FBXL7: variants seen among roughly 807,000 people sequenced by gnomAD.
FBXL7 encodes F-box/LRR-repeat protein 7.
A neutral mutation model predicts 38.3 loss-of-function variants in FBXL7; 12 were observed. The ratio of observed to expected loss-of-function variants is 0.31; its 90% CI spans 0.20 to 0.51. FBXL7 has a LOEUF of 0.51. FBXL7 is among the 20% of genes least tolerant of loss of function. The pLI, the probability that FBXL7 is intolerant of heterozygous loss-of-function variation, is 0.98. For missense variants in FBXL7, 567 were observed against 676.4 expected (o/e 0.84, Z 1.79); for synonymous variants, 297 against 300.9 (o/e 0.99, Z 0.13).
At chr5:15,828,047 C>CTT (rs1435261661) in intron 2 of FBXL7, among the ~76,000 whole-genome samples, 1 of 152,200 alleles carries the variant, frequency 6.6e-6, no homozygotes, top group East Asian at 1.9e-4. Context: ...ACCATCCAGG[C>CTT]TTTAGGCATT....
intron 2 of FBXL7, among the ~76,000 whole-genome samples, chr5:15,792,455 G>C (rs1182705698): frequency 1.3e-5 from 2 of 152,110 alleles, no homozygotes; most frequent in Non-Finnish European, 2.9e-5. Flanking sequence ...ACGTTTGAAA[G>C]CTCAATGTCT....
chr5:15,906,653 C>T (rs1463168307), intron 2 of FBXL7, among the ~76,000 whole-genome samples: 1 of 113,700 alleles, frequency 8.8e-6, no homozygotes, highest in Non-Finnish European at 1.8e-5. Context: ...TCTCCCAATG[C>T]TATCCCTCCC....
At chr5:15,806,705 G>A (rs1427606087) in intron 2 of FBXL7, among the ~76,000 whole-genome samples, 1 of 152,160 alleles carries the variant, frequency 6.6e-6, no homozygotes, top group Non-Finnish European at 1.5e-5. Flanking sequence ...AGGGCAGTGG[G>A]ATAGACTGGC....
intron 2 of FBXL7, among the ~76,000 whole-genome samples, chr5:15,884,828 C>T (rs1022460081): frequency 2.6e-5 from 4 of 152,162 alleles, no homozygotes; most frequent in African/African-American, 4.8e-5. Flanking sequence ...AGAAGTAAAA[C>T]ATTTCCCCTC....
chr5:15,721,767 T>C (rs1744200659), intron 2 of FBXL7, among the ~76,000 whole-genome samples: 1 of 152,138 alleles, frequency 6.6e-6, no homozygotes, highest in African/African-American at 2.4e-5. Flanking sequence ...GTTTTTTAGT[T>C]GTTAGTCTTG....
chr5:15,804,245 T>A (rs57804870), intron 2 of FBXL7, among the ~76,000 whole-genome samples: 6,250 of 151,972 alleles, frequency 0.041, 430 homozygotes, highest in African/African-American at 0.14. Context: ...AAGAGGGAGG[T>A]TCTCTTGAGG....
chr5:15,853,504 T>A (rs1423252239), intron 2 of FBXL7, among the ~76,000 whole-genome samples: 1 of 151,964 alleles, frequency 6.6e-6, no homozygotes, highest in Non-Finnish European at 1.5e-5. Flanking sequence ...GCGGGGAACA[T>A]CTATTCCTGG....
At chr5:15,665,531 C>T (rs1330472886) in intron 2 of FBXL7, among the ~76,000 whole-genome samples, 1 of 152,136 alleles carries the variant, frequency 6.6e-6, no homozygotes, top group East Asian at 1.9e-4. Context: ...CTCTCATCAC[C>T]AAAGTGGGAA....
At chr5:15,879,226 A>G (rs1740340865) in intron 2 of FBXL7, among the ~76,000 whole-genome samples, 1 of 152,216 alleles carries the variant, frequency 6.6e-6, no homozygotes, top group Non-Finnish European at 1.5e-5. Context: ...AGCATTTATA[A>G]CGGCCAGAAG....
chr5:15,692,522 G>A (rs1305515696), intron 2 of FBXL7, among the ~76,000 whole-genome samples: 2 of 152,100 alleles, frequency 1.3e-5, no homozygotes, highest in African/African-American at 4.8e-5. Context: ...TCATGGCACT[G>A]TTAAGCCTGT....
intron 2 of FBXL7, among the ~76,000 whole-genome samples, chr5:15,705,675 T>C (rs1168026739): frequency 4.6e-5 from 7 of 152,178 alleles, no homozygotes; most frequent in Admixed American, 4.6e-4. Context: ...TTTGACATTG[T>C]TGGATATTGA....
At chr5:15,540,247 C>T (rs1452626270) in intron 1 of FBXL7, among the ~76,000 whole-genome samples, 1 of 152,136 alleles carries the variant, frequency 6.6e-6, no homozygotes, top group East Asian at 1.9e-4. Flanking sequence ...TTTTGTAGTA[C>T]AATTTGGTAT....
At chr5:15,546,503 G>A (rs1045735979) in intron 1 of FBXL7, among the ~76,000 whole-genome samples, 8 of 151,150 alleles carry the variant, frequency 5.3e-5, no homozygotes, top group African/African-American at 1.9e-4. Context: ...GGATGCAGAG[G>A]TTGCAGTGAG....
At chr5:15,923,328 G>A (rs1179092427) in intron 2 of FBXL7, among the ~76,000 whole-genome samples, 2 of 152,194 alleles carry the variant, frequency 1.3e-5, no homozygotes, top group African/African-American at 4.8e-5. Flanking sequence ...CTACTTAGGA[G>A]ATAGAAATGG....
chr5:15,843,687 C>CT (rs1318736307), intron 2 of FBXL7, among the ~76,000 whole-genome samples: 2 of 152,072 alleles, frequency 1.3e-5, no homozygotes, highest in East Asian at 3.9e-4. Context: ...TTGCAAATTA[C>CT]TGAATAATTG....
At chr5:15,717,240 G>A (rs907193103) in intron 2 of FBXL7, among the ~76,000 whole-genome samples, 1 of 152,152 alleles carries the variant, frequency 6.6e-6, no homozygotes, top group Admixed American at 6.5e-5. Flanking sequence ...GGTGCGTTTG[G>A]AAATGTTTTT....
chr5:15,852,093 G>A (rs963140284), intron 2 of FBXL7, among the ~76,000 whole-genome samples: 3 of 152,052 alleles, frequency 2.0e-5, no homozygotes, highest in Admixed American at 6.6e-5. Context: ...TGACATCTTG[G>A]TGAAAAGTCC....
At chr5:15,691,666 C>G (rs1743188046) in intron 2 of FBXL7, among the ~76,000 whole-genome samples, 1 of 152,322 alleles carries the variant, frequency 6.6e-6, no homozygotes, top group African/African-American at 2.4e-5. Context: ...ACCGTCACAG[C>G]AGGGGAGAAG....
intron 2 of FBXL7, among the ~76,000 whole-genome samples, chr5:15,714,792 T>C (rs937422854): frequency 3.0e-5 from 4 of 135,472 alleles, no homozygotes; most frequent in Non-Finnish European, 6.0e-5. Flanking sequence ...GAGCTTGCAG[T>C]GAGCCGAGAC....
Sources: gnomAD v4.1 joint callset for allele counts (sites outside exome capture counted in the v4.1 genomes callset) on GRCh38, gnomAD v4.1.1 for gene constraint, MANE v1.5 for transcripts, NCBI Gene and HGNC (gene_info 2026-07-23, HGNC 2026-07-21) for gene names.